The following TMEM178B variants were observed in gnomAD, a reference collection of about 807,000 sequenced individuals.
TMEM178B encodes the protein transmembrane protein 178B.
TMEM178B carries 5 observed loss-of-function variants against 31.0 expected under a neutral mutation model. That is an observed-to-expected ratio of 0.16 (90% CI 0.08 to 0.34). The LOEUF (loss-of-function observed/expected upper bound fraction) is 0.34. TMEM178B is among the 10% of genes least tolerant of loss of function. The probability of loss-of-function intolerance (pLI) is 1.00; values close to 1 mark genes in which losing one functional copy is unlikely to be tolerated. For missense variants in TMEM178B, 275 were observed against 400.3 expected, an observed-to-expected ratio of 0.69 and a Z score of 2.67; for synonymous variants, 164 against 164.0, an observed-to-expected ratio of 1.00 and a Z score of 0.00.
chr7:141,340,339 G>A (rs141953373), intron 2 of TMEM178B, among the ~76,000 whole-genome samples: 5 of 152,242 alleles, frequency 3.3e-5, no homozygotes, highest in East Asian at 1.9e-4. Context: ...CTAAATTTGC[G>A]ATTACTTGTT....
At chr7:141,280,031 T>G (rs1008406541) in intron 2 of TMEM178B, among the ~76,000 whole-genome samples, 2 of 152,214 alleles carry the variant, frequency 1.3e-5, no homozygotes, top group Non-Finnish European at 2.9e-5. Flanking sequence ...GTAGGGTAAG[T>G]GGGGCCCCCA....
intron 2 of TMEM178B, among the ~76,000 whole-genome samples, chr7:141,433,489 A>G (rs1229522333): frequency 6.6e-6 from 1 of 151,758 alleles, no homozygotes; most frequent in Admixed American, 6.6e-5. Flanking sequence ...CTCCTTTTCT[A>G]TTTTCCCCAT....
At chr7:141,289,538 A>G (rs949731117) in intron 2 of TMEM178B, among the ~76,000 whole-genome samples, 4 of 152,178 alleles carry the variant, frequency 2.6e-5, no homozygotes, top group African/African-American at 7.2e-5. Flanking sequence ...AAACATGGCA[A>G]AACCCTGTCT....
chr7:141,301,883 C>A (rs1474657829), intron 2 of TMEM178B, among the ~76,000 whole-genome samples: 1 of 152,166 alleles, frequency 6.6e-6, no homozygotes. Context: ...AGTGAGCACC[C>A]AAACAACTCC....
intron 1 of TMEM178B, among the ~76,000 whole-genome samples, chr7:141,199,199 G>T (rs1479311306): frequency 6.6e-6 from 1 of 152,166 alleles, no homozygotes; most frequent in Non-Finnish European, 1.5e-5. Context: ...AGGGGCAAAG[G>T]CATTCAGAAT....
At chr7:141,229,284 T>C (rs976847852) in intron 2 of TMEM178B, among the ~76,000 whole-genome samples, 3 of 152,020 alleles carry the variant, frequency 2.0e-5, no homozygotes, top group African/African-American at 4.8e-5. Context: ...AACCTAACAG[T>C]AAATCCAGCT....
intron 2 of TMEM178B, among the ~76,000 whole-genome samples, chr7:141,435,428 G>A (rs1351198894): frequency 6.6e-6 from 1 of 152,152 alleles, no homozygotes; most frequent in Non-Finnish European, 1.5e-5. Context: ...CCCATTTCCA[G>A]GAGATGATCC....
intron 2 of TMEM178B, among the ~76,000 whole-genome samples, chr7:141,221,629 A>G (rs182063543): frequency 2.0e-4 from 31 of 152,348 alleles, no homozygotes; most frequent in African/African-American, 6.5e-4. Flanking sequence ...ACCAGGGCAC[A>G]CAAGGCAGGT....
chr7:141,499,383 T>G, the TMEM178B span, among the ~76,000 whole-genome samples: 1 of 150,098 alleles, frequency 6.7e-6, no homozygotes, highest in African/African-American at 2.5e-5. Flanking sequence ...ATCTCAGCAC[T>G]TTGGGAGGCC....
At chr7:141,386,195 A>G (rs1325843363) in intron 2 of TMEM178B, among the ~76,000 whole-genome samples, 1 of 152,186 alleles carries the variant, frequency 6.6e-6, no homozygotes, top group South Asian at 2.1e-4. Flanking sequence ...GGATTTAATT[A>G]GTCCTCCCTG....
chr7:141,332,744 T>C (rs1799318366), intron 2 of TMEM178B, among the ~76,000 whole-genome samples: 1 of 152,250 alleles, frequency 6.6e-6, no homozygotes. Flanking sequence ...CCAAAATATA[T>C]CTATTGCCCA....
chr7:141,348,161 G>T (rs17490790), intron 2 of TMEM178B, among the ~76,000 whole-genome samples: 26,353 of 152,074 alleles, frequency 0.17, 2,437 homozygotes, highest in Admixed American at 0.23. Flanking sequence ...TACGATAGCG[G>T]GTTGGTTTTT....
chr7:141,489,348 C>T, the TMEM178B span, among the ~76,000 whole-genome samples: 2,973 of 152,214 alleles, frequency 0.02, 86 homozygotes, highest in African/African-American at 0.064. Flanking sequence ...TCATTTTGCC[C>T]CCCTTTGTCC....
intron 2 of TMEM178B, among the ~76,000 whole-genome samples, chr7:141,238,441 G>A (rs1008405372): frequency 3.9e-5 from 6 of 152,272 alleles, no homozygotes; most frequent in East Asian, 3.9e-4. Flanking sequence ...AGAGAGCCGT[G>A]CTTTTGATAT....
chr7:141,295,810 G>A (rs1471573840), intron 2 of TMEM178B, among the ~76,000 whole-genome samples: 1 of 152,198 alleles, frequency 6.6e-6, no homozygotes, highest in Non-Finnish European at 1.5e-5. Flanking sequence ...AGAGCAGAGA[G>A]GGAATACAAG....
At chr7:141,346,387 C>A (rs1162017128) in intron 2 of TMEM178B, among the ~76,000 whole-genome samples, 1 of 152,108 alleles carries the variant, frequency 6.6e-6, no homozygotes, top group Non-Finnish European at 1.5e-5. Context: ...TTACTTCAAC[C>A]CTGATGTTAT....
intron 2 of TMEM178B, among the ~76,000 whole-genome samples, chr7:141,350,588 A>T (rs1799702984): frequency 6.6e-6 from 1 of 152,198 alleles, no homozygotes; most frequent in Non-Finnish European, 1.5e-5. Context: ...AGAAAAAGCA[A>T]TATTCACATA....
At chr7:141,135,932 A>G (rs973975888) in intron 1 of TMEM178B, among the ~76,000 whole-genome samples, 2 of 152,072 alleles carry the variant, frequency 1.3e-5, no homozygotes, top group African/African-American at 2.4e-5. Context: ...TTTTTTTTGA[A>G]AAGATAAATA....
At chr7:141,183,709 AC>A (rs1796565850) in intron 1 of TMEM178B, among the ~76,000 whole-genome samples, 1 of 152,138 alleles carries the variant, frequency 6.6e-6, no homozygotes, top group African/African-American at 2.4e-5. Context: ...ACTTTTCTCA[AC>A]CCAGCACCTT....
Sources: gnomAD v4.1 joint callset for allele counts (sites outside exome capture counted in the v4.1 genomes callset) on GRCh38, gnomAD v4.1.1 for gene constraint, MANE v1.5 for transcripts, NCBI Gene and HGNC (gene_info 2026-07-23, HGNC 2026-07-21) for gene names.